Variants in LRP1B observed in about 807,000 individuals in gnomAD.
LRP1B encodes low-density lipoprotein receptor-related protein 1B.
A neutral mutation model predicts 556.6 loss-of-function variants in LRP1B; 217 were observed. The ratio of observed to expected loss-of-function variants is 0.39; its 90% CI spans 0.35 to 0.44. The LOEUF (loss-of-function observed/expected upper bound fraction) is 0.44, where lower values mean the gene tolerates loss of function less well. LRP1B is among the 20% of genes least tolerant of loss of function. The probability of loss-of-function intolerance (pLI) is 1.00; values close to 1 mark genes in which losing one functional copy is unlikely to be tolerated. For synonymous variants in LRP1B, 2,047 were observed against 1,865.8 expected (o/e 1.10, Z -2.50); for missense variants, 5,053 against 5,620.8 (o/e 0.90, Z 3.23).
At chr2:141,924,671 G>T (rs1409392741) in intron 1 of LRP1B, among the ~76,000 whole-genome samples, 2 of 152,148 alleles carry the variant, frequency 1.3e-5, no homozygotes, top group Non-Finnish European at 2.9e-5. Context: ...CTTCATCAGG[G>T]GTTTGAGCAG....
intron 23 of LRP1B, among the ~76,000 whole-genome samples, chr2:140,891,378 C>T (rs939553730): frequency 1.3e-5 from 2 of 152,102 alleles, no homozygotes; most frequent in African/African-American, 2.4e-5. Flanking sequence ...GGGTAAACTG[C>T]TATTACAACC....
chr2:141,597,265 T>A (rs1171769647), intron 2 of LRP1B, among the ~76,000 whole-genome samples: 2 of 151,972 alleles, frequency 1.3e-5, no homozygotes, highest in African/African-American at 2.4e-5. Flanking sequence ...ACTCTCCCAA[T>A]TCCAACTTGC....
chr2:141,054,101 C>T (rs980845207), intron 10 of LRP1B, among the ~76,000 whole-genome samples: 3 of 151,930 alleles, frequency 2.0e-5, no homozygotes, highest in African/African-American at 7.2e-5. Flanking sequence ...CTCTTTGATT[C>T]TTCACTTTAA....
intron 1 of LRP1B, among the ~76,000 whole-genome samples, chr2:142,055,580 T>C (rs1024991620): frequency 6.6e-6 from 1 of 152,138 alleles, no homozygotes; most frequent in African/African-American, 2.4e-5. Context: ...TCCTTCACCT[T>C]ATTATATACC....
chr2:140,599,585 A>T (rs1462674880), intron 42 of LRP1B, among the ~76,000 whole-genome samples: 1 of 152,110 alleles, frequency 6.6e-6, no homozygotes, highest in Non-Finnish European at 1.5e-5. Context: ...CACAACAAAA[A>T]TGTTTGTATT....
At chr2:141,290,184 C>A (rs1234144054) in intron 3 of LRP1B, among the ~76,000 whole-genome samples, 1 of 152,112 alleles carries the variant, frequency 6.6e-6, no homozygotes, top group East Asian at 1.9e-4. Flanking sequence ...TATGGAAAAT[C>A]TCCTCTATAT....
intron 3 of LRP1B, among the ~76,000 whole-genome samples, chr2:141,376,830 C>G (rs909534290): frequency 1.3e-5 from 2 of 152,010 alleles, no homozygotes; most frequent in African/African-American, 4.8e-5. Flanking sequence ...CATTTAAAAT[C>G]TTACAAATGC....
intron 2 of LRP1B, among the ~76,000 whole-genome samples, chr2:141,790,028 A>G (rs34527764): frequency 0.19 from 28,431 of 151,804 alleles, 3,126 homozygotes; most frequent in East Asian, 0.38. Context: ...AAAGAGTTTA[A>G]GCCTAGTAGT....
chr2:140,724,031 T>C (rs1395080847), intron 35 of LRP1B, among the ~76,000 whole-genome samples: 1 of 152,190 alleles, frequency 6.6e-6, no homozygotes, highest in Admixed American at 6.5e-5. Flanking sequence ...GATAATTTGG[T>C]GAATGAGGTC....
intron 67 of LRP1B, among the ~76,000 whole-genome samples, chr2:140,385,237 C>G (rs1361414240): frequency 1.3e-5 from 2 of 151,928 alleles, no homozygotes; most frequent in Non-Finnish European, 2.9e-5. Context: ...AGGGTGAGAC[C>G]CTCTCTCAAA....
At chr2:141,919,884 C>G (rs1021415647) in intron 1 of LRP1B, among the ~76,000 whole-genome samples, 1 of 151,886 alleles carries the variant, frequency 6.6e-6, no homozygotes, top group Admixed American at 6.6e-5. Context: ...AGAAATATAA[C>G]TAGTTCACAA....
chr2:142,104,663 G>A lies in LRP1B; in HGVS notation c.82+25985C>T, dbSNP rs564467608. Among the ~76,000 whole-genome samples, 72 of 152,296 alleles carry A rather than the reference G, an allele frequency of 4.7e-4. 1 individual carries two copies. The highest frequency in any genetic ancestry group is 8.5e-4 in the Non-Finnish European group (58 of 68,028). On this transcript the variant is annotated intron_variant, in intron 1 of 90. Transcript: ENST00000389484. ...GCATTGGAGCTTCTAATAGGCTGCA[G>A]TGTAGTCAAAACCTGTCTCTCTTCA... is the stretch of plus-strand genomic sequence containing the variant.
intron 3 of LRP1B, among the ~76,000 whole-genome samples, chr2:141,471,871 C>G (rs754064227): frequency 5.9e-5 from 9 of 152,150 alleles, no homozygotes; most frequent in Non-Finnish European, 1.0e-4. Flanking sequence ...ATTATATTTT[C>G]TACATTCTTT....
chr2:140,947,528 C>T (rs879451190), intron 20 of LRP1B, among the ~76,000 whole-genome samples: 23 of 152,286 alleles, frequency 1.5e-4, no homozygotes, highest in Middle Eastern at 3.4e-3. Flanking sequence ...CTAATCAAAG[C>T]GAATTTCTGC....
intron 77 of LRP1B, among the ~76,000 whole-genome samples, chr2:140,345,009 C>T (rs528930695): frequency 1.3e-5 from 2 of 151,836 alleles, no homozygotes; most frequent in African/African-American, 2.4e-5. Flanking sequence ...TGATAACTAT[C>T]TACTGAAAGC....
At chr2:141,555,627 G>A (rs917414397) in intron 2 of LRP1B, among the ~76,000 whole-genome samples, 63 of 151,910 alleles carry the variant, frequency 4.1e-4, no homozygotes, top group African/African-American at 1.4e-3. Flanking sequence ...GAACAAGCTC[G>A]TCATTATCTG....
At chr2:140,944,884 T>C (rs1573907657) in intron 20 of LRP1B, among the ~76,000 whole-genome samples, 1 of 152,110 alleles carries the variant, frequency 6.6e-6, no homozygotes, top group East Asian at 1.9e-4. Context: ...CACTTCTATT[T>C]AACATCGTAC....
At chr2:141,969,453 A>G (rs953554025) in intron 1 of LRP1B, among the ~76,000 whole-genome samples, 2 of 151,396 alleles carry the variant, frequency 1.3e-5, no homozygotes, top group African/African-American at 2.4e-5. Flanking sequence ...CCATTATTCT[A>G]TTCTCTGGTT....
intron 1 of LRP1B, among the ~76,000 whole-genome samples, chr2:142,082,452 T>C (rs1231171145): frequency 6.6e-6 from 1 of 152,174 alleles, no homozygotes; most frequent in Non-Finnish European, 1.5e-5. Flanking sequence ...AGTGGCATGA[T>C]TCACCAAATG....
Sources: allele counts gnomAD v4.1 joint callset (sites outside exome capture counted in the v4.1 genomes callset), GRCh38; gene constraint gnomAD v4.1.1; transcripts MANE v1.5; gene names NCBI Gene and HGNC (gene_info 2026-07-23, HGNC 2026-07-21).